CNTNAP2: variants seen among roughly 807,000 people sequenced by gnomAD.
CNTNAP2 encodes contactin-associated protein-like 2.
Under a neutral mutation model 155.2 loss-of-function variants are expected in CNTNAP2, and 98 were observed. The ratio of observed to expected loss-of-function variants is 0.63; its 90% confidence interval spans 0.54 to 0.75. The LOEUF (loss-of-function observed/expected upper bound fraction) is 0.75. CNTNAP2 is among the 30% of genes least tolerant of loss of function. The pLI, the probability that CNTNAP2 is intolerant of heterozygous loss-of-function variation, is 0.00. For missense variants in CNTNAP2, 1,727 were observed against 1,688.1 expected, an observed-to-expected ratio of 1.02 and a Z score of -0.40; for synonymous variants, 651 against 631.2, an observed-to-expected ratio of 1.03 and a Z score of -0.47.
At chr7:147,124,995 C>T (rs542935400) in intron 6 of CNTNAP2, among the ~76,000 whole-genome samples, 9 of 149,496 alleles carry the variant, frequency 6.0e-5, no homozygotes, top group South Asian at 4.2e-4. Context: ...ATTCTCCTGG[C>T]TCAGCCTCCT....
chr7:146,911,208 G>A (rs1014842164), intron 3 of CNTNAP2, among the ~76,000 whole-genome samples: 1 of 152,002 alleles, frequency 6.6e-6, no homozygotes, highest in African/African-American at 2.4e-5. Context: ...ACTGTTGGTG[G>A]GACTGTAAAC....
intron 13 of CNTNAP2, among the ~76,000 whole-genome samples, chr7:147,687,145 A>G (rs763509556): frequency 6.6e-6 from 1 of 152,118 alleles, no homozygotes; most frequent in Non-Finnish European, 1.5e-5. Context: ...ATGAACAACT[A>G]TTATCTATCA....
At chr7:146,970,282 A>C (rs1213667551) in intron 3 of CNTNAP2, among the ~76,000 whole-genome samples, 2 of 152,112 alleles carry the variant, frequency 1.3e-5, no homozygotes, top group African/African-American at 4.8e-5. Flanking sequence ...CAACCTACAA[A>C]ATCGGAGAAA....
intron 1 of CNTNAP2, among the ~76,000 whole-genome samples, chr7:146,678,006 A>G (rs1585038374): frequency 6.6e-6 from 1 of 152,024 alleles, no homozygotes; most frequent in South Asian, 2.1e-4. Flanking sequence ...CAACATTTAG[A>G]TATTTGACTA....
intron 1 of CNTNAP2, among the ~76,000 whole-genome samples, chr7:146,281,788 C>T (rs1800255871): frequency 6.8e-6 from 1 of 147,282 alleles, no homozygotes; most frequent in Non-Finnish European, 1.5e-5. Flanking sequence ...AGTGAGATTC[C>T]ATCTAAAAAA....
chr7:146,174,078 A>G (rs1181394246), intron 1 of CNTNAP2, among the ~76,000 whole-genome samples: 1 of 151,894 alleles, frequency 6.6e-6, no homozygotes, highest in Non-Finnish European at 1.5e-5. Flanking sequence ...GGTTGTGCAC[A>G]TTTGTAGTCC....
intron 3 of CNTNAP2, among the ~76,000 whole-genome samples, chr7:146,891,678 A>T (rs1465392223): frequency 6.6e-6 from 1 of 152,168 alleles, no homozygotes; most frequent in Non-Finnish European, 1.5e-5. Context: ...TAACATGAAC[A>T]TAACAACAGC....
At chr7:147,780,670 A>G (rs78953470) in intron 13 of CNTNAP2, among the ~76,000 whole-genome samples, 3,166 of 152,302 alleles carry the variant, frequency 0.021, 93 homozygotes, top group African/African-American at 0.072. Context: ...AAGTTGTCTT[A>G]CAGAACACCT....
intron 10 of CNTNAP2, among the ~76,000 whole-genome samples, chr7:147,425,697 G>A (rs1046431314): frequency 1.3e-5 from 2 of 151,980 alleles, no homozygotes; most frequent in African/African-American, 2.4e-5. Flanking sequence ...TGAATCCTTC[G>A]TCCATATACC....
intron 3 of CNTNAP2, among the ~76,000 whole-genome samples, chr7:146,841,527 A>G (rs1803723793): frequency 6.6e-6 from 1 of 152,150 alleles, no homozygotes; most frequent in Non-Finnish European, 1.5e-5. Flanking sequence ...AACTAAGATC[A>G]AATGAGCATG....
chr7:147,897,004 C>T (rs7778252), intron 13 of CNTNAP2: 34,499 of 152,090 alleles, frequency 0.23, 4,659 homozygotes, highest in Middle Eastern at 0.38. Flanking sequence ...TTTGCACAGG[C>T]GGCTTCACCA....
At chr7:146,790,032 A>T (rs1277697437) in intron 2 of CNTNAP2, among the ~76,000 whole-genome samples, 1 of 152,038 alleles carries the variant, frequency 6.6e-6, no homozygotes, top group Non-Finnish European at 1.5e-5. Context: ...CAGCATTGTG[A>T]CATTTTGCCT....
chr7:148,115,249 C>T (rs980397322), intron 15 of CNTNAP2, among the ~76,000 whole-genome samples: 1 of 152,226 alleles, frequency 6.6e-6, no homozygotes, highest in African/African-American at 2.4e-5. Flanking sequence ...ATATTTCTGT[C>T]TGAATAACCA....
chr7:146,533,854 C>T (rs1047352160), intron 1 of CNTNAP2, among the ~76,000 whole-genome samples: 1 of 151,962 alleles, frequency 6.6e-6, no homozygotes, highest in Non-Finnish European at 1.5e-5. Flanking sequence ...CCCAAGATTG[C>T]AAGCTGTATT....
intron 13 of CNTNAP2, among the ~76,000 whole-genome samples, chr7:147,890,906 A>G (rs777202978): frequency 2.0e-5 from 3 of 152,236 alleles, no homozygotes; most frequent in Non-Finnish European, 4.4e-5. Flanking sequence ...TAGTTAATAC[A>G]GTGCATTGCA....
chr7:146,656,820 C>T (rs183918631), intron 1 of CNTNAP2, among the ~76,000 whole-genome samples: 1 of 152,214 alleles, frequency 6.6e-6, no homozygotes, highest in Non-Finnish European at 1.5e-5. Flanking sequence ...AGAATGATTG[C>T]CCAAAAGACT....
chr7:148,006,036 A>G (rs1430687744), intron 15 of CNTNAP2, among the ~76,000 whole-genome samples: 2 of 152,076 alleles, frequency 1.3e-5, no homozygotes, highest in Non-Finnish European at 2.9e-5. Context: ...AATCCTACAC[A>G]TAGTCGTGAT....
intron 13 of CNTNAP2, among the ~76,000 whole-genome samples, chr7:147,759,057 G>C (rs970095439): frequency 6.6e-6 from 1 of 151,904 alleles, no homozygotes; most frequent in African/African-American, 2.4e-5. Flanking sequence ...AGCTTTTCAT[G>C]AAGGCTTAAA....
chr7:147,045,486 A>C (rs1366725031), intron 4 of CNTNAP2, among the ~76,000 whole-genome samples: 1 of 152,210 alleles, frequency 6.6e-6, no homozygotes. Context: ...GTCATTTAAA[A>C]ATTCTCAAAA....
Sources: gnomAD v4.1 joint callset for allele counts (sites outside exome capture counted in the v4.1 genomes callset) on GRCh38, gnomAD v4.1.1 for gene constraint, MANE v1.5 for transcripts, NCBI Gene and HGNC (gene_info 2026-07-23, HGNC 2026-07-21) for gene names.